Variants in ABCB11 observed in about 807,000 individuals in gnomAD.
ABCB11 encodes the protein ATP binding cassette subfamily B member 11.
A neutral mutation model predicts 148.0 loss-of-function variants in ABCB11; 95 were observed. That is an observed-to-expected ratio of 0.64 (90% CI 0.54 to 0.76). The LOEUF (loss-of-function observed/expected upper bound fraction) is 0.76. Among genes scored for constraint, ABCB11 ranks in the 30% least tolerant of loss-of-function variants. ABCB11 has a pLI of 0.00. For synonymous variants in ABCB11, 591 were observed against 555.4 expected (o/e 1.06, Z -0.90); for missense variants, 1,523 against 1,617.8 (o/e 0.94, Z 1.01).
chr2:168,931,202 C>T (rs925981132), intron 24 of ABCB11, among the ~76,000 whole-genome samples: 4 of 152,114 alleles, frequency 2.6e-5, no homozygotes, highest in Non-Finnish European at 5.9e-5. Flanking sequence ...TGTCCAAACC[C>T]TATAGCTTTG....
intron 10 of ABCB11, among the ~76,000 whole-genome samples, chr2:168,983,697 T>C (rs1232421970): frequency 6.6e-6 from 1 of 152,146 alleles, no homozygotes; most frequent in Admixed American, 6.6e-5. Context: ...CAAATCAAAA[T>C]CCTACTCAAT....
At chr2:169,003,224 T>G (rs968899202) in intron 5 of ABCB11, among the ~76,000 whole-genome samples, 1 of 151,966 alleles carries the variant, frequency 6.6e-6, no homozygotes, top group Non-Finnish European at 1.5e-5. Flanking sequence ...TTTCCATTCC[T>G]GAGTTACTTC....
chr2:168,931,484 T>C (rs1036226396), intron 24 of ABCB11, among the ~76,000 whole-genome samples: 40 of 152,218 alleles, frequency 2.6e-4, no homozygotes, highest in African/African-American at 8.9e-4. Flanking sequence ...TGGAACATAC[T>C]AAAATTTTCA....
chr2:169,001,162 A>G (rs1414712100), intron 5 of ABCB11, among the ~76,000 whole-genome samples: 1 of 152,196 alleles, frequency 6.6e-6, no homozygotes, highest in East Asian at 1.9e-4. Context: ...TTAAACACAC[A>G]TCAGACAGTG....
Position 168,993,833 on chromosome 2 carries a change from T to C in ABCB11, c.661A>G (p.Ile221Val), listed in dbSNP as rs1694627317. The change falls in exon 8 of 28, where the codon ATT becomes GTT. Residue 221 changes from isoleucine to valine, a missense_variant. Ile to Val is a conservative substitution (Grantham distance 29, BLOSUM62 3). Coordinates refer to ENST00000650372, the MANE Select transcript of ABCB11 (RefSeq NM_003742.4). ...CAGATGGTCGAGGTCATGCGCTGAATGAAAAGGGCCATTTGGTCAGCTATG... is the reference window on the plus strand; with the variant it reads ...CAGATGGTCGAGGTCATGCGCTGAACGAAAAGGGCCATTTGGTCAGCTATG... ...DAIADQMALF[I>V]QRMTSTICGF... 1 of 1,611,458 alleles carries C rather than the reference T, an allele frequency of 6.2e-7. No individual in the cohort carries two copies. Among genetic ancestry groups the C allele is most frequent in the South Asian group, 1.1e-5 (1 of 90,786 alleles).
Position 168,935,428 on chromosome 2 carries a change from G to A in ABCB11, c.2815-3C>T. On this transcript the variant is annotated splice_polypyrimidine_tract_variant and splice_region_variant and intron_variant, in intron 22 of 27. Coordinates refer to ENST00000650372, the MANE Select transcript of ABCB11 (RefSeq NM_003742.4). ...TTACTGAGGGCTTCATTTGTAATCT[G>A]AAGATTGAAAAAGAGTCTTAGGAAT... The A allele has an allele frequency of 6.2e-7, 1 of 1,604,926 alleles. No individual in the cohort carries two copies. Among genetic ancestry groups the A allele is most frequent in the East Asian group, 2.2e-5 (1 of 44,768 alleles).
At position 169,016,798 on chromosome 2, in the gene ABCB11, A is replaced by G. The variant is rs761686526; in HGVS notation, c.78T>C (p.Tyr26=). 1.6e-5 allele frequency: 26 copies of G among 1,591,602 alleles called. No homozygotes were observed. Among genetic ancestry groups the G allele is most frequent in the Non-Finnish European group, 2.1e-5 (24 of 1,168,096 alleles). ...ENDGFESDKS[Y]NNDKKSRLQD... ...CTTACCTTGATTTCTTATCATTATT[A>G]TCTGTCAGAAAAAAAAATCAACGCA... is the stretch of plus-strand genomic sequence containing the variant. Residue 26 remains tyrosine, a splice_region_variant and synonymous_variant, in exon 3 of 28, where the codon TAT becomes TAC. Transcript: ENST00000650372.
chr2:168,930,870 T>C lies in ABCB11; in HGVS notation c.3214-8A>G, dbSNP rs1428729122. On this transcript the variant is annotated splice_region_variant and splice_polypyrimidine_tract_variant and intron_variant, in intron 24 of 27. Transcript: ENST00000650372. ...CTTCCCCTGGAAGTTGTCCTGTGGA[T>C]GGGAGGATCAAAATTAGAGATGCTC... 2 of 1,583,022 alleles carry C rather than the reference T, an allele frequency of 1.3e-6. No homozygotes were observed. Among genetic ancestry groups the C allele is most frequent in the East Asian group, 4.5e-5 (2 of 44,044 alleles).
At chr2:168,964,478 G>A (rs1160545999) in intron 17 of ABCB11, among the ~76,000 whole-genome samples, 170 bp from the exon 18 acceptor site, 3 of 151,674 alleles carry the variant, frequency 2.0e-5, no homozygotes, top group African/African-American at 4.8e-5. Context: ...CTAATCTTAG[G>A]GCAGAGCTAA....
chr2:168,975,866 G>T (rs1693881191), intron 12 of ABCB11, among the ~76,000 whole-genome samples: 1 of 136,768 alleles, frequency 7.3e-6, no homozygotes, highest in Non-Finnish European at 1.6e-5. Flanking sequence ...AACAAAATGG[G>T]ATTTAGTTCT....
rs775605577 is a variant in ABCB11, at chr2:169,013,379, G to A, written c.282C>T (p.Asp94=). The A allele has an allele frequency of 2.8e-5, 45 of 1,613,654 alleles. 1 individual carries two copies. The highest frequency in any genetic ancestry group is 1.1e-4 in the East Asian group (5 of 44,876). ...GTMTDVFIDY[D]VELQELQIPG... is the part of the protein sequence containing the mutation. ...GAATCTGGAGTTCTTGTAACTCAAC[G>A]TCGTAGTCAATAAAAACATCTGTCA... is the stretch of plus-strand genomic sequence containing the variant. The change falls in exon 5 of 28, where the codon GAC becomes GAT. Residue 94 remains aspartate, a synonymous_variant. Coordinates refer to ENST00000650372, the MANE Select transcript of ABCB11 (RefSeq NM_003742.4).
Position 169,005,350 on chromosome 2 carries a change from C to T in ABCB11, c.389+7922G>A, listed in dbSNP as rs149305790. ...GGATAGGCGCCTCTGAGCTCAGCCT[C>T]TCCTTGGGCGGGGCTTGCTGCAGCT... On this transcript the variant is annotated intron_variant, in intron 5 of 27. Transcript: ENST00000650372. 2.5e-3 allele frequency among the ~76,000 whole-genome samples: 387 copies of T among 152,140 alleles called. 3 individuals are homozygous for T. The highest frequency in any genetic ancestry group is 8.8e-3 in the African/African-American group (366 of 41,504).
intron 19 of ABCB11, among the ~76,000 whole-genome samples, chr2:168,947,725 G>A (rs1692391027): frequency 6.6e-6 from 1 of 151,666 alleles, no homozygotes; most frequent in South Asian, 2.1e-4. Flanking sequence ...GGTTTGTTCG[G>A]CATCATTCTC....
At chr2:168,973,532 G>C (rs978823117) in intron 13 of ABCB11, among the ~76,000 whole-genome samples, 183 bp downstream of exon 13, 6 of 151,976 alleles carry the variant, frequency 3.9e-5, no homozygotes, top group Non-Finnish European at 8.8e-5. Flanking sequence ...GGAATTGACT[G>C]GTTATTCACT....
Position 168,978,102 on chromosome 2 carries a change from T to G in ABCB11, c.1198-1415A>C, listed in dbSNP as rs546441063. ...ATCTTATTTGAGCATATAACAATCT[T>G]AAGAAAGAGGTAGAATTTGAATAAA... On this transcript the variant is annotated intron_variant, in intron 11 of 27. Transcript: ENST00000650372. Among the ~76,000 whole-genome samples, 36 of 150,378 alleles carry G rather than the reference T, an allele frequency of 2.4e-4. No homozygotes were observed. In the South Asian group the frequency reaches 6.7e-3, roughly 28 times the overall value.
chr2:168,930,723 C>T lies in ABCB11; in HGVS notation c.3353G>A (p.Gly1118Asp). The T allele has an allele frequency of 6.2e-7, 1 of 1,601,706 alleles. No individual in the cohort carries two copies. The highest frequency in any genetic ancestry group is 8.5e-7 in the Non-Finnish European group (1 of 1,171,704). The change falls in exon 25 of 28, where the codon GGC (glycine) becomes GAC (aspartate). Residue 1118 changes from glycine to aspartate, a missense_variant. Physicochemically the swap from Gly to Asp is moderately conservative, Grantham distance 94 (BLOSUM62 -1). Coordinates refer to ENST00000650372, the MANE Select transcript of ABCB11 (RefSeq NM_003742.4). Reference sequence around the variant, plus strand: ...CAACAGCTGAATGCTAGTGCTTTTGCCACATCCACTGCTCCCAACAAACGC... The same window carrying T: ...CAACAGCTGAATGCTAGTGCTTTTGTCACATCCACTGCTCCCAACAAACGC... Reference protein sequence around the residue: ...TLAFVGSSGCGKSTSIQLLER... With the variant: ...TLAFVGSSGCDKSTSIQLLER...
chr2:168,959,129 G>A (rs1692936068), intron 18 of ABCB11, among the ~76,000 whole-genome samples: 1 of 151,672 alleles, frequency 6.6e-6, no homozygotes, highest in Non-Finnish European at 1.5e-5. Context: ...CAAAGTCAAA[G>A]ACCACATTCA....
intron 4 of ABCB11, among the ~76,000 whole-genome samples, chr2:169,014,026 T>C (rs940750575): frequency 1.3e-5 from 2 of 152,196 alleles, no homozygotes; most frequent in Non-Finnish European, 2.9e-5. Context: ...TATATGTGAT[T>C]GTTGTGATGA....
At chr2:168,943,667 T>C (rs991090206) in intron 21 of ABCB11, among the ~76,000 whole-genome samples, 13 of 152,044 alleles carry the variant, frequency 8.6e-5, no homozygotes, top group Non-Finnish European at 1.5e-4. Context: ...GTGGCCTATT[T>C]ATAGGGATTT....
Sources: gnomAD v4.1 joint callset for allele counts (sites outside exome capture counted in the v4.1 genomes callset) on GRCh38, gnomAD v4.1.1 for gene constraint, MANE v1.5 for transcripts, NCBI Gene and HGNC (gene_info 2026-07-23, HGNC 2026-07-21) for gene names.